The following TDRD10 variants were observed in gnomAD, a reference collection of about 807,000 sequenced individuals.
TDRD10 encodes tudor domain-containing protein 10.
Under a neutral mutation model 48.0 loss-of-function variants are expected in TDRD10, and 40 were observed. The observed-to-expected ratio is 0.83, with a 90% CI of 0.65 to 1.09. The LOEUF (loss-of-function observed/expected upper bound fraction) is 1.09. TDRD10 is among the 50% of genes least tolerant of loss of function. TDRD10 has a pLI of 0.00. For missense variants in TDRD10, 378 were observed against 434.7 expected (o/e 0.87, Z 1.16); for synonymous variants, 162 against 170.4 (o/e 0.95, Z 0.38).
chr1:154,537,470 G>T (rs1181975399), intron 6 of TDRD10, among the ~76,000 whole-genome samples: 1 of 152,238 alleles, frequency 6.6e-6, no homozygotes, highest in Non-Finnish European at 1.5e-5. Flanking sequence ...TGAGGTTGAA[G>T]CTGCACATGC....
intron 4 of TDRD10, among the ~76,000 whole-genome samples, chr1:154,516,674 C>CG (rs1425546847): frequency 6.6e-6 from 1 of 152,154 alleles, no homozygotes; most frequent in Non-Finnish European, 1.5e-5. Flanking sequence ...GAGCATTGCA[C>CG]GGTAGCTCAC....
chr1:154,541,285 C>T (rs1488715989), intron 6 of TDRD10, among the ~76,000 whole-genome samples: 4 of 104,064 alleles, frequency 3.8e-5, no homozygotes, highest in African/African-American at 1.1e-4. Context: ...AGGGCAGGAG[C>T]GGGAGAGGGG....
chr1:154,528,728 C>A (rs12129484), intron 6 of TDRD10, among the ~76,000 whole-genome samples: 119,047 of 151,568 alleles, frequency 0.79, 47,468 homozygotes, highest in East Asian at 0.92. Context: ...AGGCAGGAGA[C>A]TCACTTGAAC....
intron 6 of TDRD10, among the ~76,000 whole-genome samples, chr1:154,537,266 T>C (rs1391727655): frequency 1.3e-5 from 2 of 152,190 alleles, no homozygotes; most frequent in Admixed American, 6.5e-5. Context: ...CCAAAGACAT[T>C]ATTCCTCTTT....
Position 154,543,966 on chromosome 1 carries a change from G to T in TDRD10, c.507G>T (p.Gly169=), listed in dbSNP as rs755559844. The stretch of plus-strand genomic sequence containing the variant: ...GCTCCCCTTGCTCTTCCCGCAGAGG[G>T]TCCTTCCTGGTGCTGCTCCTGAGGG... ...AFFAVPLEMR[G]SFLVLLLREC... is the part of the protein sequence containing the mutation. Residue 169 remains glycine (G), a synonymous_variant, in exon 9 of 13, where the codon GGG becomes GGT. Transcript: ENST00000368482. 1.2e-6 allele frequency: 2 copies of T among 1,614,030 alleles called. No homozygotes were observed. The highest frequency in any genetic ancestry group is 2.2e-5 in the South Asian group (2 of 91,086).
At chr1:154,515,929 C>T (rs560019758) in intron 4 of TDRD10, among the ~76,000 whole-genome samples, 1 of 152,228 alleles carries the variant, frequency 6.6e-6, no homozygotes, top group African/African-American at 2.4e-5. Context: ...GTTGGCCAGG[C>T]TGATCTCAAA....
intron 6 of TDRD10, among the ~76,000 whole-genome samples, chr1:154,535,770 A>T (rs1004784528): frequency 2.6e-5 from 4 of 152,188 alleles, no homozygotes; most frequent in East Asian, 1.9e-4. Flanking sequence ...GCTATGAAGG[A>T]GTGTGTTCCA....
intron 6 of TDRD10, among the ~76,000 whole-genome samples, chr1:154,537,730 CT>C (rs2149345781): frequency 6.6e-6 from 1 of 152,288 alleles, no homozygotes; most frequent in South Asian, 2.1e-4. Context: ...ACCTCCAAGC[CT>C]TCTGGCCACC....
chr1:154,524,689 G>A (rs1018340850), intron 6 of TDRD10, among the ~76,000 whole-genome samples: 1 of 152,080 alleles, frequency 6.6e-6, no homozygotes, highest in African/African-American at 2.4e-5. Context: ...CTAAGACTTG[G>A]CTTTTGTAGG....
Position 154,506,906 on chromosome 1 carries a change from GT to G in TDRD10, c.2+2del. ...TCCTGTTGGAAAGCAACTGCAGCAT[GT>G]AAGTCCCTTCCTTTTGCTGATGAGC... On this transcript the variant is annotated splice_donor_variant, in intron 2 of 12. Coordinates refer to ENST00000368482, the MANE Select transcript of TDRD10 (RefSeq NM_182499.4). LOFTEE classifies it high-confidence loss of function. 6.2e-7 allele frequency: 1 copy of G among 1,614,198 alleles called. No individual in the cohort carries two copies. Among genetic ancestry groups the G allele is most frequent in the Non-Finnish European group, 8.5e-7 (1 of 1,180,022 alleles).
intron 4 of TDRD10, among the ~76,000 whole-genome samples, chr1:154,510,324 C>G (rs912453366): frequency 1.3e-5 from 2 of 151,414 alleles, no homozygotes; most frequent in Non-Finnish European, 2.9e-5. Context: ...TGGGTGCGGT[C>G]GTTCATGCCT....
At chr1:154,522,049 C>T (rs751380600) in intron 6 of TDRD10, among the ~76,000 whole-genome samples, 5 of 152,208 alleles carry the variant, frequency 3.3e-5, no homozygotes, top group Non-Finnish European at 5.9e-5. Flanking sequence ...GATCCCATTC[C>T]AGAGCCTGAA....
intron 4 of TDRD10, among the ~76,000 whole-genome samples, chr1:154,513,377 C>A (rs1413496904): frequency 2.0e-5 from 3 of 152,158 alleles, no homozygotes; most frequent in Non-Finnish European, 4.4e-5. Flanking sequence ...AGCAAACAAT[C>A]CTAGTGAATG....
intron 1 of TDRD10, among the ~76,000 whole-genome samples, chr1:154,506,595 C>T (rs917511968): frequency 5.3e-5 from 8 of 152,104 alleles, no homozygotes; most frequent in African/African-American, 1.9e-4. Flanking sequence ...AGGCTGGTCT[C>T]GAACTCCTGA....
chr1:154,517,350 A>G (rs1280912089), intron 4 of TDRD10, among the ~76,000 whole-genome samples: 1 of 151,888 alleles, frequency 6.6e-6, no homozygotes, highest in African/African-American at 2.4e-5. Context: ...TGAACCTACC[A>G]CAGTGTGTTT....
At chr1:154,538,246 A>G (rs1222393926) in intron 6 of TDRD10, among the ~76,000 whole-genome samples, 1 of 152,188 alleles carries the variant, frequency 6.6e-6, no homozygotes, top group East Asian at 1.9e-4. Flanking sequence ...TGGGGTTGGT[A>G]TTTAGAACTG....
chr1:154,542,121 G>T, intron 7 of TDRD10, 55 bp downstream of exon 7: 1 of 1,592,758 alleles, frequency 6.3e-7, no homozygotes, highest in East Asian at 2.2e-5. Context: ...GCTCCTAATG[G>T]ACCTCTTCCA....
At position 154,547,478 on chromosome 1, in the gene TDRD10, C is replaced by T. The variant is rs1474579109; in HGVS notation, c.1022C>T (p.Ala341Val). Residue 341 changes from alanine (A) to valine (V), a missense_variant and splice_region_variant, in exon 12 of 13, where the codon GCG becomes GTG. This residue lies in a region of TDRD10 where 68 missense variants were observed against 111.1 expected (regional missense o/e 0.61). Transcript: ENST00000368482. The part of the protein sequence containing the change: ...KGKITGALNS[A>V]LHILKFEESK ...AAAATCACTGGTGCTTTGAACTCGG[C>T]GGTAACTGCTCCTGCATCTAACTTG... 8 of 1,614,096 alleles carry T rather than the reference C, an allele frequency of 5.0e-6. No homozygotes were observed. The highest frequency in any genetic ancestry group is 2.2e-5 in the South Asian group (2 of 91,086).
In TDRD10 at chr1:154,502,522, G is replaced by C. The variant is rs942324149; in HGVS notation, c.-535G>C. The C allele has an allele frequency of 2.0e-5, 3 of 152,232 alleles. No individual in the cohort carries two copies. Among genetic ancestry groups the C allele is most frequent in the Non-Finnish European group, 4.4e-5 (3 of 68,092 alleles). The allele number at this position is 152,232 out of a possible 1,614,324, so 9.4% of individuals were successfully genotyped here. On this transcript the variant is annotated 5_prime_UTR_variant, in exon 1 of 13. Coordinates refer to ENST00000368482, the MANE Select transcript of TDRD10 (RefSeq NM_182499.4). ...CAGAGCTGGGGGCGGCGGGGTGAGC[G>C]CCATGGCAGAGGCGGGTCGGGCTGC...
Sources: allele counts gnomAD v4.1 joint callset (sites outside exome capture counted in the v4.1 genomes callset), GRCh38; gene constraint gnomAD v4.1.1; regional missense constraint gnomAD v4.1.1; transcripts MANE v1.5; gene names NCBI Gene and HGNC (gene_info 2026-07-23, HGNC 2026-07-21).